Variants in DLGAP2 observed in about 807,000 individuals in gnomAD.
The protein encoded by DLGAP2 is disks large-associated protein 2.
In DLGAP2, 26 loss-of-function variants were observed where a neutral mutation model predicts 100.3. The observed-to-expected ratio is 0.26, with a 90% CI of 0.19 to 0.36. The LOEUF (loss-of-function observed/expected upper bound fraction) is 0.36. Among genes scored for constraint, DLGAP2 ranks in the 10% least tolerant of loss-of-function variants. DLGAP2 has a pLI of 1.00. For missense variants in DLGAP2, 1,858 were observed against 1,453.2 expected, an observed-to-expected ratio of 1.28 and a Z score of -4.53; for synonymous variants, 886 against 630.1, an observed-to-expected ratio of 1.41 and a Z score of -6.08.
chr8:1,649,392 G>C (rs12675162), intron 8 of DLGAP2, among the ~76,000 whole-genome samples: 34,067 of 152,044 alleles, frequency 0.22, 4,381 homozygotes, highest in East Asian at 0.38. Context: ...TATTTATATT[G>C]TCAGCAGTGG....
intron 2 of DLGAP2, among the ~76,000 whole-genome samples, chr8:1,178,584 C>G (rs1562922): frequency 6.6e-6 from 1 of 151,548 alleles, no homozygotes; most frequent in South Asian, 2.1e-4. Flanking sequence ...AGACATCTCT[C>G]TTTTTTTTAG....
chr8:1,029,087 G>T (rs1801899392), intron 2 of DLGAP2, among the ~76,000 whole-genome samples: 1 of 152,192 alleles, frequency 6.6e-6, no homozygotes, highest in African/African-American at 2.4e-5. Flanking sequence ...GTGAGGCTCT[G>T]TGAAGGGCTG....
intron 3 of DLGAP2, among the ~76,000 whole-genome samples, chr8:1,437,827 A>G (rs1051885881): frequency 6.7e-6 from 1 of 149,878 alleles, no homozygotes; most frequent in Non-Finnish European, 1.5e-5. Flanking sequence ...AAAAAAAAAA[A>G]AAAAAAAAAT....
chr8:1,458,267 A>T (rs185966042), intron 3 of DLGAP2, among the ~76,000 whole-genome samples: 3 of 152,126 alleles, frequency 2.0e-5, no homozygotes, highest in Non-Finnish European at 4.4e-5. Context: ...TTGGAAACAC[A>T]AAATTTTTGA....
chr8:1,498,918 G>A (rs908331558), intron 3 of DLGAP2, among the ~76,000 whole-genome samples: 10 of 152,264 alleles, frequency 6.6e-5, no homozygotes, highest in Admixed American at 2.6e-4. Flanking sequence ...AGGCCACACC[G>A]CACTCGGAAA....
intron 2 of DLGAP2, among the ~76,000 whole-genome samples, chr8:1,043,903 G>A (rs1802443787): frequency 1.3e-5 from 2 of 152,054 alleles, no homozygotes; most frequent in Admixed American, 6.5e-5. Context: ...GAAGGCAGGT[G>A]TGGAGAGACG....
rs575096656 is a variant in DLGAP2 at position 1,698,728 on chromosome 8, C to T, written c.2949+1429C>T. On this transcript the variant is annotated intron_variant, in intron 14 of 14. Coordinates refer to ENST00000637795, the MANE Select transcript of DLGAP2 (RefSeq NM_001346810.2). ...ACATAAGCCATGCATGGGACAGGTC[C>T]ACATAAGCCATGTGTGGGACTAGAC... Among the ~76,000 whole-genome samples, 4 of 135,124 alleles carry T rather than the reference C, an allele frequency of 3.0e-5. No homozygotes were observed. The East Asian group carries it at 9.3e-4, about 32-fold the overall frequency. 88.6% of individuals were successfully genotyped at this position (135,124 alleles called of 152,430 possible). A position where few individuals can be genotyped will look rare whatever the true frequency, so the allele number is the denominator to read the frequency against.
At chr8:1,009,713 C>G (rs1009805146) in intron 2 of DLGAP2, among the ~76,000 whole-genome samples, 2 of 152,200 alleles carry the variant, frequency 1.3e-5, no homozygotes, top group African/African-American at 4.8e-5. Flanking sequence ...GAACCTTTTC[C>G]TTTCACCTGC....
intron 3 of DLGAP2, among the ~76,000 whole-genome samples, chr8:1,415,317 T>G (rs930938560): frequency 6.6e-6 from 1 of 152,224 alleles, no homozygotes; most frequent in Non-Finnish European, 1.5e-5. Context: ...AATTTTTTTT[T>G]CAACTTTTAT....
intron 3 of DLGAP2, among the ~76,000 whole-genome samples, chr8:1,409,199 C>T (rs944059651): frequency 9.9e-5 from 15 of 151,788 alleles, no homozygotes; most frequent in African/African-American, 3.2e-4. Context: ...CCCCTTGGAC[C>T]ACTGCCCAAC....
intron 3 of DLGAP2, among the ~76,000 whole-genome samples, chr8:1,373,463 C>T (rs1267851523): frequency 6.6e-6 from 1 of 152,198 alleles, no homozygotes; most frequent in Admixed American, 6.5e-5. Flanking sequence ...TCGGCCGAGA[C>T]CCGAATCCGG....
chr8:1,270,964 G>C (rs1277760404), intron 3 of DLGAP2, among the ~76,000 whole-genome samples: 1 of 152,110 alleles, frequency 6.6e-6, no homozygotes, highest in Admixed American at 6.6e-5. Context: ...CTTATTGTTA[G>C]ACGTGTTGCA....
intron 1 of DLGAP2, among the ~76,000 whole-genome samples, chr8:900,877 T>C (rs1798238512): frequency 6.6e-6 from 1 of 152,134 alleles, no homozygotes; most frequent in African/African-American, 2.4e-5. Flanking sequence ...GCTCCGTAGG[T>C]CCGACAGCTG....
intron 1 of DLGAP2, chr8:822,130 G>T (rs566751141): frequency 2.5e-6 from 1 of 399,572 alleles, no homozygotes; most frequent in African/African-American, 2.1e-5. Context: ...AGCCCTGCGC[G>T]GCTTCCCTCG....
At chr8:1,488,240 A>G (rs1014127315) in intron 3 of DLGAP2, among the ~76,000 whole-genome samples, 9 of 152,236 alleles carry the variant, frequency 5.9e-5, no homozygotes, top group Admixed American at 5.9e-4. Context: ...CCGGCAGTTC[A>G]CAGAGAGGCC....
At chr8:1,439,888 T>G (rs1285797655) in intron 3 of DLGAP2, among the ~76,000 whole-genome samples, 1 of 152,182 alleles carries the variant, frequency 6.6e-6, no homozygotes, top group Non-Finnish European at 1.5e-5. Context: ...AGACTGTTGA[T>G]GGGCTGAATG....
chr8:1,433,902 G>A (rs1254634213), intron 3 of DLGAP2, among the ~76,000 whole-genome samples: 6 of 152,074 alleles, frequency 3.9e-5, no homozygotes, highest in African/African-American at 1.4e-4. Context: ...CATGGTCCCT[G>A]GGGTCCTTAC....
intron 3 of DLGAP2, among the ~76,000 whole-genome samples, chr8:1,420,746 G>T (rs1475493942): frequency 2.0e-5 from 3 of 151,976 alleles, no homozygotes; most frequent in Non-Finnish European, 2.9e-5. Context: ...TCAGCTCCCT[G>T]GCTCGGTGGT....
intron 3 of DLGAP2, among the ~76,000 whole-genome samples, chr8:1,289,714 A>C (rs1356723779): frequency 6.6e-6 from 1 of 152,044 alleles, no homozygotes; most frequent in Non-Finnish European, 1.5e-5. Context: ...CCCCGAGGCT[A>C]ATGTTGTGAG....
Sources: allele counts gnomAD v4.1 joint callset (sites outside exome capture counted in the v4.1 genomes callset), GRCh38; gene constraint gnomAD v4.1.1; transcripts MANE v1.5; gene names NCBI Gene and HGNC (gene_info 2026-07-23, HGNC 2026-07-21).